The following PRKCE variants were observed in gnomAD, a reference collection of about 807,000 sequenced individuals.
PRKCE encodes the protein protein kinase C epsilon type.
PRKCE carries 16 observed loss-of-function variants against 85.4 expected under a neutral mutation model. That is an observed-to-expected ratio of 0.19 (90% CI 0.13 to 0.28). PRKCE has a LOEUF of 0.28. Ranked by LOEUF, PRKCE falls within the 10% of genes least tolerant of loss-of-function variation. The pLI, the probability that PRKCE is intolerant of heterozygous loss-of-function variation, is 1.00. For synonymous variants in PRKCE, 388 were observed against 371.5 expected (o/e 1.04, Z -0.51); for missense variants, 573 against 975.2 (o/e 0.59, Z 5.49).
At chr2:45,756,164 T>C (rs1276682244) in intron 1 of PRKCE, among the ~76,000 whole-genome samples, 1 of 152,164 alleles carries the variant, frequency 6.6e-6, no homozygotes, top group Admixed American at 6.5e-5. Flanking sequence ...CTGATGGGGA[T>C]GAGTCAGGTT....
Position 46,184,557 on chromosome 2 carries a change from C to T in PRKCE, c.2068-178C>T, listed in dbSNP as rs1336612916. Among the ~76,000 whole-genome samples the T allele has an allele frequency of 6.6e-6, 1 of 152,196 alleles. No individual in the cohort carries two copies. Among genetic ancestry groups the T allele is most frequent in the African/African-American group, 2.4e-5 (1 of 41,456 alleles). On this transcript the variant is annotated intron_variant, in intron 14 of 14. Transcript: ENST00000306156. The surrounding 1 kb of genome is among the most constrained non-coding windows in gnomAD (Gnocchi z 5.0). ...TCATTCTTCCTCTCCTCGTCTCTCA[C>T]CTCCGGGTCCTGGGGCCATCCATCG...
At chr2:45,830,898 A>C (rs1450467684) in intron 1 of PRKCE, among the ~76,000 whole-genome samples, 1 of 152,272 alleles carries the variant, frequency 6.6e-6, no homozygotes, top group Non-Finnish European at 1.5e-5. Flanking sequence ...TACTATTTCA[A>C]TCAGAATGTA....
chr2:46,019,924 A>G (rs1016114469), intron 10 of PRKCE, among the ~76,000 whole-genome samples: 1 of 137,102 alleles, frequency 7.3e-6, no homozygotes, highest in Non-Finnish European at 1.5e-5. Flanking sequence ...ATCTCGGCTC[A>G]CTACAACCTC....
At chr2:45,780,205 T>G (rs748963772) in intron 1 of PRKCE, among the ~76,000 whole-genome samples, 4 of 152,264 alleles carry the variant, frequency 2.6e-5, no homozygotes, top group Non-Finnish European at 5.9e-5. Flanking sequence ...TGTGCTTGAA[T>G]GATGATTCAA....
chr2:46,182,656 T>C (rs1680113530), intron 14 of PRKCE, among the ~76,000 whole-genome samples: 1 of 152,190 alleles, frequency 6.6e-6, no homozygotes, highest in Non-Finnish European at 1.5e-5. Flanking sequence ...TGCTAAAAGA[T>C]GGTAGAAATC....
intron 2 of PRKCE, among the ~76,000 whole-genome samples, chr2:45,932,672 A>G (rs1425058597): frequency 2.0e-5 from 3 of 152,162 alleles, no homozygotes; most frequent in East Asian, 3.8e-4. Flanking sequence ...TTTTAAGTGT[A>G]TTGTTCAGTG....
intron 1 of PRKCE, among the ~76,000 whole-genome samples, chr2:45,748,686 T>C (rs988909630): frequency 2.8e-4 from 43 of 152,260 alleles, no homozygotes; most frequent in African/African-American, 9.9e-4. Flanking sequence ...CATCAGTCAC[T>C]TCAACAGGAA....
In PRKCE at chr2:45,907,586, T is replaced by C. The variant is rs908517803; in HGVS notation, c.412+64523T>C. 1.3e-5 allele frequency among the ~76,000 whole-genome samples: 2 copies of C among 152,216 alleles called. No homozygotes were observed. Among genetic ancestry groups the C allele is most frequent in the African/African-American group, 4.8e-5 (2 of 41,452 alleles). On this transcript the variant is annotated intron_variant, in intron 2 of 14. Coordinates refer to ENST00000306156, the MANE Select transcript of PRKCE (RefSeq NM_005400.3). The surrounding 1 kb of genome is among the most constrained non-coding windows in gnomAD (Gnocchi z 4.5). ...AGCGTGTGCCCAAGCCTGCTTCCCA[T>C]GTCACGTGTGTCATTTTCCCAGTGC...
chr2:45,883,778 T>C (rs1695051800), intron 2 of PRKCE, among the ~76,000 whole-genome samples: 1 of 152,170 alleles, frequency 6.6e-6, no homozygotes, highest in African/African-American at 2.4e-5. Context: ...ATATCCTTTC[T>C]GCACAGCCAC....
rs773000033 is a variant in PRKCE, at chr2:46,155,221, A to C, written c.1920+3992A>C. Among the ~76,000 whole-genome samples, 1 of 152,148 alleles carries C rather than the reference A, an allele frequency of 6.6e-6. No homozygotes were observed. Among genetic ancestry groups the C allele is most frequent in the Non-Finnish European group, 1.5e-5 (1 of 68,022 alleles). On this transcript the variant is annotated intron_variant, in intron 13 of 14. Transcript: ENST00000306156. This position sits in a 1 kb window ranked among gnomAD's most constrained non-coding sequence, Gnocchi z 4.7. ...TTTATGTAAAAATCTCGAAACATTA[A>C]ATGATTATAACTAGTTCAATTAAAT...
intron 10 of PRKCE, among the ~76,000 whole-genome samples, chr2:46,075,515 C>T (rs1425327499): frequency 2.0e-5 from 3 of 151,834 alleles, no homozygotes; most frequent in African/African-American, 7.3e-5. Context: ...CCAAGGTGGG[C>T]AGATTGCTTG....
intron 2 of PRKCE, among the ~76,000 whole-genome samples, chr2:45,876,380 A>G (rs929776546): frequency 3.3e-5 from 5 of 152,178 alleles, no homozygotes; most frequent in African/African-American, 4.8e-5. Context: ...CTCCAGCCAC[A>G]TCACTTCCCA....
intron 1 of PRKCE, among the ~76,000 whole-genome samples, chr2:45,714,181 G>A (rs1216073385): frequency 6.6e-5 from 10 of 152,330 alleles, no homozygotes. Flanking sequence ...GCTCTGATGG[G>A]ACTTAGAGTC....
At chr2:46,130,388 T>C (rs959319675) in intron 11 of PRKCE, among the ~76,000 whole-genome samples, 1 of 151,994 alleles carries the variant, frequency 6.6e-6, no homozygotes, top group African/African-American at 2.4e-5. Context: ...TACTTTGTTA[T>C]ATATAAGTAT....
chr2:46,130,722 A>G (rs1430346772), intron 11 of PRKCE, among the ~76,000 whole-genome samples: 1 of 152,176 alleles, frequency 6.6e-6, no homozygotes, highest in Non-Finnish European at 1.5e-5. Context: ...GGTCTGGCTC[A>G]TTTGCTGGCC....
In PRKCE at chr2:45,847,696, G is replaced by A. The variant is rs1243776304; in HGVS notation, c.412+4633G>A. Reference sequence around the variant, plus strand: ...GGTCCTGCTTCCATTCATGGCCCCAGTAATGAGTTTGCCACATGGCAGTGA... The same window carrying A: ...GGTCCTGCTTCCATTCATGGCCCCAATAATGAGTTTGCCACATGGCAGTGA... On this transcript the variant is annotated intron_variant, in intron 2 of 14. Transcript: ENST00000306156. Among the ~76,000 whole-genome samples, 6 of 152,202 alleles carry A rather than the reference G, an allele frequency of 3.9e-5. No homozygotes were observed. In the East Asian group the frequency reaches 9.6e-4, roughly 24 times the overall value.
chr2:45,875,556 A>G (rs149785016), intron 2 of PRKCE, among the ~76,000 whole-genome samples: 140 of 152,342 alleles, frequency 9.2e-4, no homozygotes, highest in Non-Finnish European at 1.5e-3. Flanking sequence ...TGATTTACAC[A>G]TATGGGAAAG....
At chr2:45,873,775 C>G (rs953263901) in intron 2 of PRKCE, among the ~76,000 whole-genome samples, 2 of 152,212 alleles carry the variant, frequency 1.3e-5, no homozygotes, top group African/African-American at 4.8e-5. Flanking sequence ...GAGAGCAGTC[C>G]TCCCTGTGAG....
At chr2:45,767,076 T>C (rs1573267837) in intron 1 of PRKCE, among the ~76,000 whole-genome samples, 1 of 152,234 alleles carries the variant, frequency 6.6e-6, no homozygotes, top group Non-Finnish European at 1.5e-5. Context: ...GTGGGCAAAT[T>C]TGGAAAAATG....
Sources: gnomAD v4.1 joint callset for allele counts (sites outside exome capture counted in the v4.1 genomes callset) on GRCh38, gnomAD v4.1.1 for gene constraint, Gnocchi (gnomAD v3.1) non-coding constraint, MANE v1.5 for transcripts, NCBI Gene and HGNC (gene_info 2026-07-23, HGNC 2026-07-21) for gene names.